TMIGD3: variants seen among roughly 807,000 people sequenced by gnomAD.
The protein encoded by TMIGD3 is AD026 protein (AD026).
TMIGD3 carries 21 observed loss-of-function variants against 28.1 expected under a neutral mutation model. The observed-to-expected ratio is 0.75, with a 90% CI of 0.53 to 1.08. The LOEUF (loss-of-function observed/expected upper bound fraction) is 1.08. TMIGD3 is among the 50% of genes least tolerant of loss of function. TMIGD3 has a pLI of 0.00. For missense variants in TMIGD3, 416 were observed against 435.6 expected (o/e 0.96, Z 0.40); for synonymous variants, 151 against 162.1 (o/e 0.93, Z 0.52).
chr1:111,504,794 C>T, upstream of TMIGD3: 1 of 881,308 alleles, frequency 1.1e-6, no homozygotes, highest in Non-Finnish European at 1.4e-6. Context: ...TCTGCTCTGG[C>T]ATCATTCATT....
At chr1:111,513,250 T>C (rs1401773856) in intron 1 of TMIGD3, among the ~76,000 whole-genome samples, 3 of 152,188 alleles carry the variant, frequency 2.0e-5, no homozygotes, top group African/African-American at 7.2e-5. Context: ...CACTCAGCAC[T>C]ACTCACTGCT....
chr1:111,499,333 C>T, intron 1 of TMIGD3: 1 of 776,548 alleles, frequency 1.3e-6, no homozygotes, highest in Non-Finnish European at 1.6e-6. Flanking sequence ...GTGAGTATGC[C>T]AACACATGGC....
chr1:111,519,172 C>T (rs1329330497), intron 1 of TMIGD3, among the ~76,000 whole-genome samples: 1 of 152,160 alleles, frequency 6.6e-6, no homozygotes, highest in African/African-American at 2.4e-5. Flanking sequence ...CTCCCGACCT[C>T]AGGTGATCCA....
intron 1 of TMIGD3, among the ~76,000 whole-genome samples, chr1:111,517,651 G>A (rs894687189): frequency 6.6e-6 from 1 of 152,148 alleles, no homozygotes; most frequent in African/African-American, 2.4e-5. Flanking sequence ...TTTCACATCT[G>A]TAAAGTGAGA....
rs185744164 is a variant in TMIGD3, at chr1:111,483,477, T to G, written c.*210A>C. 1.4e-4 allele frequency: 78 copies of G among 546,396 alleles called. 1 individual carries two copies. In the Admixed American group the frequency reaches 2.1e-3, roughly 15 times the overall value. The allele number at this position is 546,396 out of a possible 1,614,324, so 33.8% of individuals were successfully genotyped here. A position where few individuals can be genotyped will look rare whatever the true frequency, so the allele number is the denominator to read the frequency against. On this transcript the variant is annotated 3_prime_UTR_variant, in exon 6 of 6. Coordinates refer to ENST00000369716, the MANE Select transcript of TMIGD3 (RefSeq NM_020683.7). ...GCATAAGAACTAAGATCTTGAGATGTTATTTGAGGGCAGCCTTGCTTGGGT... is the reference window on the plus strand; with the variant it reads ...GCATAAGAACTAAGATCTTGAGATGGTATTTGAGGGCAGCCTTGCTTGGGT...
intron 1 of TMIGD3, among the ~76,000 whole-genome samples, chr1:111,491,184 C>T (rs1342895738): frequency 6.6e-6 from 1 of 152,250 alleles, no homozygotes; most frequent in Non-Finnish European, 1.5e-5. Context: ...ACCCAGCTCC[C>T]AAGTGGACAC....
At chr1:111,555,953 A>G (rs766325683) in intron 1 of TMIGD3, among the ~76,000 whole-genome samples, 2 of 152,220 alleles carry the variant, frequency 1.3e-5, no homozygotes, top group Non-Finnish European at 2.9e-5. Flanking sequence ...GCATCAAAGG[A>G]CACTATTGAT....
chr1:111,547,936 G>C (rs1161496146), intron 1 of TMIGD3, among the ~76,000 whole-genome samples: 5 of 152,194 alleles, frequency 3.3e-5, no homozygotes, highest in African/African-American at 1.2e-4. Flanking sequence ...TAAATGCTTT[G>C]ACCATCCCAA....
intron 1 of TMIGD3, among the ~76,000 whole-genome samples, chr1:111,518,490 C>T (rs1028848143): frequency 2.6e-5 from 4 of 152,202 alleles, no homozygotes; most frequent in African/African-American, 4.8e-5. Flanking sequence ...CAATCAAAAG[C>T]GTCTCCAGAC....
intron 1 of TMIGD3, chr1:111,499,824 G>C: frequency 6.6e-7 from 1 of 1,512,292 alleles, no homozygotes; most frequent in Non-Finnish European, 8.8e-7. Flanking sequence ...GAGCACTGGA[G>C]ATGCTCCCAC....
At chr1:111,488,456 G>A (rs1014736620) in intron 3 of TMIGD3, among the ~76,000 whole-genome samples, 30 of 152,294 alleles carry the variant, frequency 2.0e-4, no homozygotes, top group African/African-American at 7.2e-4. Flanking sequence ...TTCTAAAAGT[G>A]CCCCAGGGCG....
rs149363468 is a variant in TMIGD3 at position 111,503,250 on chromosome 1, G to A, written c.105C>T (p.Cys35=). 1.9e-4 allele frequency: 308 copies of A among 1,614,210 alleles called. No individual in the cohort carries two copies. Among genetic ancestry groups the A allele is most frequent in the East Asian group, 1.8e-3 (80 of 44,892 alleles). Residue 35 remains cysteine (C), a synonymous_variant, in exon 1 of 6, where the codon TGC becomes TGT. Transcript: ENST00000369716. ...CAIVGNVLVI[C]VVKLNPSLQT... is the part of the protein sequence containing the mutation. ...GCAGGCTGGGGTTCAGCTTGACCAC[G>A]CAGATGACCAGCACGTTGCCCACTA... is the stretch of plus-strand genomic sequence containing the variant.
At chr1:111,522,131 A>T (rs1054472389) in intron 1 of TMIGD3, among the ~76,000 whole-genome samples, 13 of 152,174 alleles carry the variant, frequency 8.5e-5, no homozygotes, top group African/African-American at 3.1e-4. Flanking sequence ...GTCTATCTTT[A>T]TACCAATACC....
chr1:111,498,103 G>A (rs1571409197), intron 1 of TMIGD3, among the ~76,000 whole-genome samples: 1 of 152,210 alleles, frequency 6.6e-6, no homozygotes, highest in East Asian at 1.9e-4. Context: ...GGGCTGACAG[G>A]AGGAGAAGCA....
intron 1 of TMIGD3, among the ~76,000 whole-genome samples, chr1:111,561,235 C>T (rs1657724051): frequency 6.6e-6 from 1 of 152,160 alleles, no homozygotes; most frequent in Non-Finnish European, 1.5e-5. Context: ...ATGATCCTCC[C>T]ACTTCAGCCT....
At chr1:111,502,044 ATT>A (rs377211826) in intron 1 of TMIGD3, among the ~76,000 whole-genome samples, 1 of 57,430 alleles carries the variant, frequency 1.7e-5, no homozygotes, top group African/African-American at 4.5e-5. Flanking sequence ...TAGGATATAT[ATT>A]TAATATAATA....
upstream of TMIGD3, among the ~76,000 whole-genome samples, chr1:111,506,914 T>TA (rs35175909): frequency 1.0e-3 from 14 of 13,584 alleles, no homozygotes; most frequent in African/African-American, 2.1e-3. Context: ...ATATATATAT[T>TA]ATATATATAT....
At chr1:111,491,806 A>G (rs1654679903) in intron 1 of TMIGD3, among the ~76,000 whole-genome samples, 1 of 152,258 alleles carries the variant, frequency 6.6e-6, no homozygotes, top group Non-Finnish European at 1.5e-5. Flanking sequence ...TCCTGATTGA[A>G]GCAAACAATT....
rs778333503 is a variant in TMIGD3, at chr1:111,490,649, A to G, written c.457+7T>C. 16 of 1,605,876 alleles carry G rather than the reference A, an allele frequency of 1.0e-5. No homozygotes were observed. The African/African-American group carries it at 1.6e-4, about 16-fold the overall frequency. ...AAGGGCTGGAGCTGTTCCGTCCCCC[A>G]TCCTACCTGAAATGAGAGCCAAGGA... On this transcript the variant is annotated splice_region_variant and intron_variant, in intron 2 of 5. Transcript: ENST00000369716.
Sources: allele counts gnomAD v4.1 joint callset (sites outside exome capture counted in the v4.1 genomes callset), GRCh38; gene constraint gnomAD v4.1.1; transcripts MANE v1.5; gene names NCBI Gene and HGNC (gene_info 2026-07-23, HGNC 2026-07-21).